Variants in CLCN5 observed in about 807,000 individuals in gnomAD.
CLCN5 encodes the protein Cl-/H+ antiporter 5, also known as H(+)/Cl(-) exchange transporter 5.
In CLCN5, 17 loss-of-function variants were observed where a neutral mutation model predicts 54.0. The ratio of observed to expected loss-of-function variants is 0.31; its 90% confidence interval spans 0.22 to 0.47. CLCN5 has a LOEUF of 0.47. CLCN5 is among the 20% of genes least tolerant of loss of function. The probability of loss-of-function intolerance (pLI) is 1.00; values close to 1 mark genes in which losing one functional copy is unlikely to be tolerated. For missense variants in CLCN5, 448 were observed against 646.7 expected (o/e 0.69, Z 3.33); for synonymous variants, 222 against 233.0 (o/e 0.95, Z 0.43).
intron 4 of CLCN5, among the ~76,000 whole-genome samples, chrX:50,048,086 C>T (rs1408528551): frequency 2.7e-5 from 3 of 112,345 alleles, no homozygotes; most frequent in Non-Finnish European, 5.6e-5. Context: ...TCATCTTCAA[C>T]GAAACCGGCG....
intron 3 of CLCN5, among the ~76,000 whole-genome samples, chrX:49,995,663 C>T (rs781978904): frequency 2.7e-5 from 3 of 111,940 alleles, no homozygotes; most frequent in South Asian, 3.8e-4. Context: ...AATGGTAAGA[C>T]GTAATAAGTT....
At chrX:49,931,295 TTA>T (rs1204287991) in intron 3 of CLCN5, among the ~76,000 whole-genome samples, 1 of 111,519 alleles carries the variant, frequency 9.0e-6, no homozygotes, top group Non-Finnish European at 1.9e-5. Context: ...CCATTTTAAT[TTA>T]TGTGTTTGTG....
At chrX:50,036,822 G>A (rs1382643316) in intron 3 of CLCN5, among the ~76,000 whole-genome samples, 3 of 111,685 alleles carry the variant, frequency 2.7e-5, no homozygotes, top group Non-Finnish European at 5.6e-5. Context: ...TCACCATATG[G>A]GACTCATGGA....
intron 3 of CLCN5, among the ~76,000 whole-genome samples, chrX:50,017,683 AT>A (rs35130155): frequency 0.21 from 21,448 of 103,757 alleles, 1,785 homozygotes; most frequent in Middle Eastern, 0.26. Context: ...CTCTAGATTC[AT>A]TTTTTTTTTT....
chrX:49,987,377 C>T (rs1929035284), intron 3 of CLCN5, among the ~76,000 whole-genome samples: 1 of 112,009 alleles, frequency 8.9e-6, no homozygotes, highest in Non-Finnish European at 1.9e-5. Flanking sequence ...GTACATTTCT[C>T]ATAGAAGGTG....
chrX:49,997,551 G>A (rs1929584459), intron 3 of CLCN5, among the ~76,000 whole-genome samples: 1 of 110,839 alleles, frequency 9.0e-6, no homozygotes, highest in South Asian at 3.9e-4. Context: ...TTTGAGACAG[G>A]GTCTCACTCC....
rs782586662 is a variant in CLCN5 at position 50,090,084 on chromosome X, T to C, written c.1745-32T>C. The C allele has an allele frequency of 3.4e-5, 41 of 1,201,666 alleles. 1 individual carries two copies. In the East Asian group the frequency reaches 3.9e-4, roughly 11 times the overall value. On this transcript the variant is annotated intron_variant, in intron 12 of 14. Coordinates refer to ENST00000376091, the MANE Select transcript of CLCN5 (RefSeq NM_001127898.4). ...AATTGTAAGAATCCTGTATTTTGCC[T>C]ACCTGAGTAGACTGTGTCTATTTCT...
chrX:50,017,175 CTA>C (rs1400360588), intron 3 of CLCN5, among the ~76,000 whole-genome samples: 1 of 111,471 alleles, frequency 9.0e-6, no homozygotes, highest in Non-Finnish European at 1.9e-5. Context: ...TATGGTAAGA[CTA>C]TGTTTAATTT....
intron 4 of CLCN5, among the ~76,000 whole-genome samples, chrX:50,060,142 C>T (rs1335153288): frequency 1.9e-5 from 2 of 106,372 alleles, no homozygotes; most frequent in African/African-American, 3.5e-5. Context: ...AAGACAGTCA[C>T]GGGGGGAGGA....
intron 3 of CLCN5, among the ~76,000 whole-genome samples, chrX:50,019,343 G>C (rs1930949204): frequency 1.8e-5 from 2 of 109,134 alleles, no homozygotes; most frequent in African/African-American, 3.3e-5. Flanking sequence ...ATACATATTT[G>C]TGGGGTACAC....
At chrX:49,949,482 G>T (rs1926918460) in intron 3 of CLCN5, among the ~76,000 whole-genome samples, 1 of 111,706 alleles carries the variant, frequency 9.0e-6, no homozygotes, top group South Asian at 3.8e-4. Context: ...CAATTGTTTG[G>T]CTTTTAATAA....
intron 4 of CLCN5, among the ~76,000 whole-genome samples, chrX:50,053,097 A>G (rs1557188580): frequency 3.6e-5 from 4 of 111,787 alleles, no homozygotes; most frequent in African/African-American, 1.3e-4. Context: ...TTTGTGGCCC[A>G]GGATGTGGTG....
chrX:49,930,537 A>G (rs1457065693), intron 3 of CLCN5, among the ~76,000 whole-genome samples: 1 of 111,782 alleles, frequency 8.9e-6, no homozygotes, highest in East Asian at 2.8e-4. Context: ...AAATAGGTTC[A>G]TAACATAATG....
chrX:50,050,297 CTGCCAAAG>C (rs1479511081), intron 4 of CLCN5: 1 of 112,142 alleles, frequency 8.9e-6, no homozygotes, highest in Non-Finnish European at 1.9e-5. Flanking sequence ...ACCAAACTGT[CTGCCAAAG>C]TGCCAAAGTG....
intron 9 of CLCN5, chrX:50,085,701 G>A (rs1417536455): frequency 1.4e-5 from 5 of 368,961 alleles, no homozygotes; most frequent in Non-Finnish European, 2.4e-5. Context: ...TGAATTGGGA[G>A]TATGGGAGAT....
intron 3 of CLCN5, among the ~76,000 whole-genome samples, chrX:50,002,168 A>C (rs1557180440): frequency 9.2e-6 from 1 of 108,821 alleles, no homozygotes; most frequent in Non-Finnish European, 1.9e-5. Flanking sequence ...TCTAAGTACC[A>C]TTTTATGTGG....
chrX:49,926,451 T>C (rs782591485), intron 3 of CLCN5, among the ~76,000 whole-genome samples: 2 of 112,395 alleles, frequency 1.8e-5, no homozygotes, highest in Non-Finnish European at 3.8e-5. Flanking sequence ...AATTTTGCCA[T>C]GTTGAATAAG....
intron 3 of CLCN5, chrX:50,003,565 G>A (rs375623427): frequency 1.1e-5 from 4 of 372,609 alleles, no homozygotes; most frequent in South Asian, 9.9e-5. Context: ...CCTCCCACAT[G>A]CAGGGTTTGC....
intron 4 of CLCN5, among the ~76,000 whole-genome samples, chrX:50,058,115 G>A (rs782419850): frequency 5.4e-5 from 6 of 111,523 alleles, no homozygotes; most frequent in Admixed American, 9.5e-5. Flanking sequence ...ACAATATATC[G>A]CTGTAAAACT....
Sources: allele counts gnomAD v4.1 joint callset (sites outside exome capture counted in the v4.1 genomes callset), GRCh38; gene constraint gnomAD v4.1.1; transcripts MANE v1.5; gene names NCBI Gene and HGNC (gene_info 2026-07-23, HGNC 2026-07-21).